Variants in GALNTL6 observed in about 807,000 individuals in gnomAD.
GALNTL6 encodes polypeptide N-acetylgalactosaminyltransferase-like 6.
In GALNTL6, 46 loss-of-function variants were observed where a neutral mutation model predicts 73.7. That is an observed-to-expected ratio of 0.62 (90% CI 0.49 to 0.80). The LOEUF is 0.80. Ranked by LOEUF, GALNTL6 falls within the 30% of genes least tolerant of loss-of-function variation. The pLI is 0.00. For missense variants in GALNTL6, 604 were observed against 755.0 expected (o/e 0.80, Z 2.34); for synonymous variants, 259 against 263.7 (o/e 0.98, Z 0.17).
At chr4:172,099,830 C>T (rs1339238088) in intron 2 of GALNTL6, among the ~76,000 whole-genome samples, 2 of 152,210 alleles carry the variant, frequency 1.3e-5, no homozygotes. Flanking sequence ...TTGGTCTTTG[C>T]ATGAAACCAC....
At chr4:172,639,936 G>C (rs1233962360) in intron 5 of GALNTL6, among the ~76,000 whole-genome samples, 2 of 152,012 alleles carry the variant, frequency 1.3e-5, no homozygotes, top group Admixed American at 6.6e-5. Context: ...CATGCCAACA[G>C]CTTACATTTT....
chr4:172,097,917 GA>G (rs111538597), intron 2 of GALNTL6, among the ~76,000 whole-genome samples: 20 of 147,446 alleles, frequency 1.4e-4, no homozygotes, highest in East Asian at 5.9e-4. Flanking sequence ...GGCATTGTGA[GA>G]AAAAAAAAAG....
chr4:172,630,390 C>A (rs1330470335), intron 5 of GALNTL6, among the ~76,000 whole-genome samples: 1 of 152,064 alleles, frequency 6.6e-6, no homozygotes, highest in African/African-American at 2.4e-5. Flanking sequence ...CTTTTTATAA[C>A]AAATCATCTC....
chr4:172,408,006 TAGA>T (rs1744298985), intron 5 of GALNTL6, among the ~76,000 whole-genome samples: 1 of 152,056 alleles, frequency 6.6e-6, no homozygotes. Flanking sequence ...GGAAAATATA[TAGA>T]AGGCCACTTT....
intron 5 of GALNTL6, among the ~76,000 whole-genome samples, chr4:172,386,766 G>A (rs1403887383): frequency 2.6e-5 from 4 of 152,078 alleles, no homozygotes; most frequent in Non-Finnish European, 5.9e-5. Context: ...AGAAGAGGGA[G>A]AAAAATTTAC....
chr4:172,784,050 A>T (rs1739517351), intron 5 of GALNTL6, among the ~76,000 whole-genome samples: 1 of 152,118 alleles, frequency 6.6e-6, no homozygotes, highest in Non-Finnish European at 1.5e-5. Context: ...GTAATATTTT[A>T]GTATTTTCTT....
At position 173,041,259 on chromosome 4, in the gene GALNTL6, G is replaced by A. The variant is rs1753876880; in HGVS notation, c.*1159G>A. The stretch of plus-strand genomic sequence containing the variant: ...TTCTTTTATTTGGAAGCTCATAAAA[G>A]GAATTACCATTAATAAAGTGTTTCT... On this transcript the variant is annotated 3_prime_UTR_variant, in exon 13 of 13. Coordinates refer to ENST00000506823, the MANE Select transcript of GALNTL6 (RefSeq NM_001034845.3). 6.6e-6 allele frequency: 1 copy of A among 151,280 alleles called. No individual in the cohort carries two copies. The highest frequency in any genetic ancestry group is 1.5e-5 in the Non-Finnish European group (1 of 67,858). The allele number at this position is 151,280 out of a possible 1,614,324, so 9.4% of individuals were successfully genotyped here. A position where few individuals can be genotyped will look rare whatever the true frequency, so the allele number is the denominator to read the frequency against.
intron 2 of GALNTL6, among the ~76,000 whole-genome samples, chr4:171,882,232 T>A (rs774269513): frequency 5.7e-4 from 86 of 152,210 alleles, no homozygotes; most frequent in Non-Finnish European, 1.1e-3. Context: ...ACTACAGCTA[T>A]CTTTGTCATT....
intron 5 of GALNTL6, among the ~76,000 whole-genome samples, chr4:172,778,701 A>G (rs542194575): frequency 6.6e-5 from 10 of 152,338 alleles, no homozygotes; most frequent in Non-Finnish European, 1.3e-4. Context: ...TATAGAGGGA[A>G]GTCAACTGTC....
chr4:171,892,825 G>A (rs1012538125), intron 2 of GALNTL6, among the ~76,000 whole-genome samples: 3 of 152,148 alleles, frequency 2.0e-5, no homozygotes, highest in African/African-American at 7.2e-5. Flanking sequence ...GCCTCTCAAA[G>A]TGCTGAGATT....
At chr4:172,028,762 C>T (rs891507985) in intron 2 of GALNTL6, among the ~76,000 whole-genome samples, 1 of 151,900 alleles carries the variant, frequency 6.6e-6, no homozygotes, top group South Asian at 2.1e-4. Context: ...TTATATTTTT[C>T]ACTGATACCA....
chr4:172,427,622 G>A (rs337018), intron 5 of GALNTL6, among the ~76,000 whole-genome samples: 132,215 of 152,184 alleles, frequency 0.87, 57,482 homozygotes, highest in South Asian at 0.89. Context: ...AACAATTAAT[G>A]AAGCTTTCAC....
chr4:172,817,043 G>A (rs537986848), intron 7 of GALNTL6, among the ~76,000 whole-genome samples: 2 of 151,338 alleles, frequency 1.3e-5, no homozygotes, highest in East Asian at 1.9e-4. Flanking sequence ...GGGAGGCAGA[G>A]GTTGCAGTGA....
intron 5 of GALNTL6, among the ~76,000 whole-genome samples, chr4:172,608,753 G>A (rs1000738182): frequency 6.6e-6 from 1 of 151,896 alleles, no homozygotes; most frequent in African/African-American, 2.4e-5. Context: ...TAATAATACT[G>A]ATTTAGCATG....
At chr4:172,332,099 A>G (rs892355982) in intron 4 of GALNTL6, among the ~76,000 whole-genome samples, 2 of 152,018 alleles carry the variant, frequency 1.3e-5, no homozygotes, top group East Asian at 3.9e-4. Context: ...TGTGGTTTTC[A>G]TTTGGATTTT....
intron 5 of GALNTL6, among the ~76,000 whole-genome samples, chr4:172,376,704 T>G (rs1743045815): frequency 6.6e-6 from 1 of 152,002 alleles, no homozygotes; most frequent in South Asian, 2.1e-4. Context: ...GTCTCACCGC[T>G]TGGTGACAGG....
At chr4:172,173,180 C>T (rs1053411721) in intron 2 of GALNTL6, among the ~76,000 whole-genome samples, 1 of 152,196 alleles carries the variant, frequency 6.6e-6, no homozygotes, top group Non-Finnish European at 1.5e-5. Flanking sequence ...TTTCCAAAAC[C>T]TGTGACTGCT....
At chr4:172,101,911 TAAAAATATAATTA>T (rs1732530714) in intron 2 of GALNTL6, among the ~76,000 whole-genome samples, 1 of 151,994 alleles carries the variant, frequency 6.6e-6, no homozygotes, top group South Asian at 2.1e-4. Flanking sequence ...GGTTTAAAAT[TAAAAATATAATTA>T]AAAAGAATAG....
At chr4:172,832,094 G>A (rs374587030) in intron 7 of GALNTL6, among the ~76,000 whole-genome samples, 3 of 152,120 alleles carry the variant, frequency 2.0e-5, no homozygotes, top group African/African-American at 4.8e-5. Flanking sequence ...AAAGCCCTGC[G>A]TGGACACTAG....
Sources: allele counts gnomAD v4.1 joint callset (sites outside exome capture counted in the v4.1 genomes callset), GRCh38; gene constraint gnomAD v4.1.1; transcripts MANE v1.5; gene names NCBI Gene and HGNC (gene_info 2026-07-23, HGNC 2026-07-21).